The following LOC128092252 variants were observed in gnomAD, a reference collection of about 807,000 sequenced individuals.
At chr15:50,680,731 C>A in the LOC128092252 span, among the ~76,000 whole-genome samples, 5 of 151,916 alleles carry the variant, frequency 3.3e-5, no homozygotes, top group Admixed American at 2.0e-4. Flanking sequence ...TTAAAAAAAA[C>A]CTTAACTTTT....
the LOC128092252 span, among the ~76,000 whole-genome samples, chr15:50,671,964 G>A: frequency 6.7e-6 from 1 of 148,684 alleles, no homozygotes; most frequent in Admixed American, 6.7e-5. Flanking sequence ...ATAATACTTT[G>A]TAATAATAAA....
the LOC128092252 span, among the ~76,000 whole-genome samples, chr15:50,671,913 C>T: frequency 6.6e-6 from 1 of 152,112 alleles, no homozygotes; most frequent in African/African-American, 2.4e-5. Context: ...CCTGCACTGC[C>T]AGTTACATAG....
At chr15:50,670,065 A>G in the LOC128092252 span, among the ~76,000 whole-genome samples, 1 of 152,218 alleles carries the variant, frequency 6.6e-6, no homozygotes, top group Non-Finnish European at 1.5e-5. Context: ...ACTCTGAGTT[A>G]TGGATGGCCC....
the LOC128092252 span, among the ~76,000 whole-genome samples, chr15:50,653,382 A>G: frequency 2.0e-5 from 3 of 152,238 alleles, no homozygotes; most frequent in Non-Finnish European, 2.9e-5. Context: ...TCAACAGATA[A>G]CATAATACTT....
At chr15:50,655,438 A>G in the LOC128092252 span, among the ~76,000 whole-genome samples, 4 of 114,664 alleles carry the variant, frequency 3.5e-5, no homozygotes, top group African/African-American at 9.8e-5. Context: ...ATCTCAAAGG[A>G]AAAAAAAAAC....
chr15:50,669,098 C>A, the LOC128092252 span, among the ~76,000 whole-genome samples: 3 of 152,066 alleles, frequency 2.0e-5, no homozygotes, highest in Admixed American at 2.0e-4. Context: ...GAGAAATTTA[C>A]CCAATACATA....
chr15:50,686,538 C>T, the LOC128092252 span: 2 of 1,611,336 alleles, frequency 1.2e-6, no homozygotes, highest in Non-Finnish European at 1.7e-6. Flanking sequence ...TACCATTCTC[C>T]TCACGGGGCG....
At chr15:50,667,336 G>A in the LOC128092252 span, among the ~76,000 whole-genome samples, 1 of 152,146 alleles carries the variant, frequency 6.6e-6, no homozygotes, top group Non-Finnish European at 1.5e-5. Context: ...CCTTACAACT[G>A]ATGGATCTCC....
the LOC128092252 span, among the ~76,000 whole-genome samples, chr15:50,665,120 T>C: frequency 1.3e-5 from 2 of 152,150 alleles, no homozygotes; most frequent in Non-Finnish European, 2.9e-5. Flanking sequence ...AAATTAATCA[T>C]GGGTCAGGCC....
the LOC128092252 span, among the ~76,000 whole-genome samples, chr15:50,678,249 A>C: frequency 8.0e-6 from 1 of 125,630 alleles, no homozygotes; most frequent in Non-Finnish European, 1.7e-5. Flanking sequence ...CAAAAAAAAA[A>C]AACAAAAACA....
chr15:50,682,298 C>G, the LOC128092252 span, among the ~76,000 whole-genome samples: 2 of 151,602 alleles, frequency 1.3e-5, no homozygotes, highest in South Asian at 2.1e-4. Context: ...GTTCTAAAAC[C>G]CCTACGTGGA....
the LOC128092252 span, among the ~76,000 whole-genome samples, chr15:50,675,205 T>C: frequency 6.6e-6 from 1 of 152,132 alleles, no homozygotes; most frequent in African/African-American, 2.4e-5. Context: ...TAGCTGGGCA[T>C]GGTGGCGGGC....
At chr15:50,664,561 CAAATA>C in the LOC128092252 span, among the ~76,000 whole-genome samples, 7 of 151,946 alleles carry the variant, frequency 4.6e-5, no homozygotes, top group African/African-American at 1.5e-4. Context: ...TATGATTAAC[CAAATA>C]AAAGTTTCAA....
At chr15:50,668,943 A>G in the LOC128092252 span, among the ~76,000 whole-genome samples, 40 of 152,330 alleles carry the variant, frequency 2.6e-4, no homozygotes, top group African/African-American at 9.6e-4. Context: ...CTTGACTTGT[A>G]GAGCCAATTA....
chr15:50,672,343 A>G, the LOC128092252 span, among the ~76,000 whole-genome samples: 1 of 150,484 alleles, frequency 6.6e-6, no homozygotes, highest in Non-Finnish European at 1.5e-5. Context: ...GGCGTGAGCC[A>G]CCTCGCCCGG....
chr15:50,651,853 C>T, the LOC128092252 span, among the ~76,000 whole-genome samples: 2 of 151,830 alleles, frequency 1.3e-5, no homozygotes, highest in African/African-American at 2.4e-5. Flanking sequence ...CGCCACTGCA[C>T]ATCCAGCCTG....
chr15:50,686,384 G>GA, the LOC128092252 span: 1 of 1,363,616 alleles, frequency 7.3e-7, no homozygotes, highest in African/African-American at 1.4e-5. Context: ...CACCCGTCCC[G>GA]AGAGGACAAA....
chr15:50,653,623 CAT>C, the LOC128092252 span, among the ~76,000 whole-genome samples: 1 of 152,118 alleles, frequency 6.6e-6, no homozygotes, highest in Non-Finnish European at 1.5e-5. Flanking sequence ...ATTTCTCAAT[CAT>C]AGAGATGACA....
the LOC128092252 span, among the ~76,000 whole-genome samples, chr15:50,670,808 AAG>A: frequency 3.0e-5 from 4 of 135,040 alleles, no homozygotes; most frequent in Middle Eastern, 3.7e-3. Flanking sequence ...AAAAAAGAAA[AAG>A]AAAAAAAAAA....
Sources: allele counts gnomAD v4.1 joint callset (sites outside exome capture counted in the v4.1 genomes callset), GRCh38; gene constraint gnomAD v4.1.1; transcripts MANE v1.5.